Variants in AKT3 observed in about 807,000 individuals in gnomAD.
The protein encoded by AKT3 is RAC-gamma serine/threonine-protein kinase.
Under a neutral mutation model 65.3 loss-of-function variants are expected in AKT3, and 15 were observed. The observed-to-expected ratio is 0.23, with a 90% CI of 0.15 to 0.35. The LOEUF (loss-of-function observed/expected upper bound fraction) is 0.35. Among genes scored for constraint, AKT3 ranks in the 10% least tolerant of loss-of-function variants. The probability of loss-of-function intolerance (pLI) is 1.00; values close to 1 mark genes in which losing one functional copy is unlikely to be tolerated. For synonymous variants in AKT3, 206 were observed against 183.8 expected (o/e 1.12, Z -0.98); for missense variants, 243 against 576.5 (o/e 0.42, Z 5.92).
At chr1:243,640,803 T>C (rs1374462640) in intron 5 of AKT3, among the ~76,000 whole-genome samples, 1 of 152,120 alleles carries the variant, frequency 6.6e-6, no homozygotes, top group Non-Finnish European at 1.5e-5. Flanking sequence ...TCATGAGATA[T>C]TTACATGGCT....
Position 243,504,656 on chromosome 1 carries a change from C to A in AKT3, c.*593G>T, listed in dbSNP as rs1669551518. 5.7e-6 allele frequency: 1 copy of A among 174,138 alleles called. No individual in the cohort carries two copies. The allele number at this position is 174,138 out of a possible 1,614,324, so 10.8% of individuals were successfully genotyped here. A position where few individuals can be genotyped will look rare whatever the true frequency, so the allele number is the denominator to read the frequency against. Reference sequence around the variant, plus strand: ...AAAAATTATATATATATATATATATCCCAACAGTTGTTCAGTCCTTCTACC... The same window carrying A: ...AAAAATTATATATATATATATATATACCAACAGTTGTTCAGTCCTTCTACC... On this transcript the variant is annotated 3_prime_UTR_variant, in exon 14 of 14. Transcript: ENST00000673466.
intron 2 of AKT3, among the ~76,000 whole-genome samples, chr1:243,800,278 A>G (rs1278842928): frequency 3.3e-5 from 5 of 152,236 alleles, no homozygotes; most frequent in Non-Finnish European, 5.9e-5. Flanking sequence ...AGGATAAAGC[A>G]GTGCCAACCT....
intron 2 of AKT3, among the ~76,000 whole-genome samples, chr1:243,750,092 A>C (rs1196721750): frequency 6.6e-6 from 1 of 152,232 alleles, no homozygotes; most frequent in Non-Finnish European, 1.5e-5. Flanking sequence ...AGGCGAAGTC[A>C]TGCTTTTATA....
intron 6 of AKT3, among the ~76,000 whole-genome samples, chr1:243,630,201 T>C (rs1172219752): frequency 6.6e-6 from 1 of 152,176 alleles, no homozygotes; most frequent in African/African-American, 2.4e-5. Context: ...TTATAGCCCA[T>C]ACGCCATACT....
chr1:243,597,056 G>A (rs190798074), intron 8 of AKT3, among the ~76,000 whole-genome samples: 1 of 152,184 alleles, frequency 6.6e-6, no homozygotes, highest in Non-Finnish European at 1.5e-5. Context: ...ATGTACTATG[G>A]GTACAGGGAA....
In AKT3 at chr1:243,804,742, G is replaced by C. The variant is rs750841613; in HGVS notation, c.46+38383C>G. Among the ~76,000 whole-genome samples, 192 of 151,938 alleles carry C rather than the reference G, an allele frequency of 1.3e-3. 3 individuals are homozygous for C. Among genetic ancestry groups the C allele is most frequent in the Non-Finnish European group, 4.1e-4 (28 of 68,010 alleles). On this transcript the variant is annotated intron_variant, in intron 2 of 13. Transcript: ENST00000673466. ...GGCACCTGTAGTCCCAGCTACTCAG[G>C]AGGCTGAGGCAGGAGAACGGCGTGA...
At chr1:243,755,180 T>G (rs976685467) in intron 2 of AKT3, among the ~76,000 whole-genome samples, 2 of 151,792 alleles carry the variant, frequency 1.3e-5, no homozygotes, top group Non-Finnish European at 2.9e-5. Flanking sequence ...GCAATTCTCA[T>G]GCCTCAGCCT....
intron 2 of AKT3, among the ~76,000 whole-genome samples, chr1:243,823,879 A>C (rs930242476): frequency 1.3e-5 from 2 of 152,194 alleles, no homozygotes; most frequent in Admixed American, 6.5e-5. Context: ...ACTACCATTG[A>C]CTTTCCTCAC....
chr1:243,639,025 A>G (rs778949742), intron 5 of AKT3, among the ~76,000 whole-genome samples: 6 of 152,152 alleles, frequency 3.9e-5, no homozygotes, highest in South Asian at 2.1e-4. Context: ...CAAATTACCA[A>G]TATCAGGAAT....
chr1:243,744,755 A>G (rs1032553580), intron 2 of AKT3, among the ~76,000 whole-genome samples: 1 of 151,086 alleles, frequency 6.6e-6, no homozygotes, highest in Non-Finnish European at 1.5e-5. Flanking sequence ...AAAAAAAAAA[A>G]AAAAATTATT....
intron 2 of AKT3, among the ~76,000 whole-genome samples, chr1:243,713,945 T>C (rs1247705755): frequency 1.3e-5 from 2 of 152,090 alleles, no homozygotes; most frequent in Admixed American, 1.3e-4. Context: ...CGACAGCCTC[T>C]ATTATGCTAA....
At chr1:243,735,602 C>T (rs1687797701) in intron 2 of AKT3, 1 of 152,212 alleles carries the variant, frequency 6.6e-6, no homozygotes, top group African/African-American at 2.4e-5. Context: ...ACTACTGTAA[C>T]ATACCTAGCA....
chr1:243,587,626 A>C (rs1189203963), intron 8 of AKT3, among the ~76,000 whole-genome samples: 6 of 152,084 alleles, frequency 3.9e-5, no homozygotes, highest in Admixed American at 1.3e-4. Flanking sequence ...TACATACATA[A>C]ATACATACAT....
At chr1:243,560,706 A>G (rs1299491581) in intron 10 of AKT3, among the ~76,000 whole-genome samples, 1 of 152,156 alleles carries the variant, frequency 6.6e-6, no homozygotes, top group African/African-American at 2.4e-5. Flanking sequence ...TTTTGTGGCA[A>G]CTATAAACTT....
intron 12 of AKT3, among the ~76,000 whole-genome samples, chr1:243,536,759 C>CAAT (rs1558597708): frequency 6.6e-6 from 1 of 152,130 alleles, no homozygotes; most frequent in Non-Finnish European, 1.5e-5. Flanking sequence ...ATCCTAAGTA[C>CAAT]AATGCCTCAT....
At chr1:243,712,182 C>A (rs1231719185) in intron 2 of AKT3, among the ~76,000 whole-genome samples, 2 of 152,166 alleles carry the variant, frequency 1.3e-5, no homozygotes, top group Non-Finnish European at 2.9e-5. Flanking sequence ...TGGATATATT[C>A]ACGGCCACCT....
chr1:243,730,379 C>T (rs976767189), intron 2 of AKT3, among the ~76,000 whole-genome samples: 4 of 152,200 alleles, frequency 2.6e-5, no homozygotes, highest in Admixed American at 6.5e-5. Flanking sequence ...CTCATTCTTC[C>T]TGGACAAAGG....
chr1:243,810,511 C>T (rs1312839052), intron 2 of AKT3, among the ~76,000 whole-genome samples: 1 of 152,066 alleles, frequency 6.6e-6, no homozygotes, highest in Non-Finnish European at 1.5e-5. Context: ...CAATAACAGG[C>T]TCTGAAATTG....
At chr1:243,755,366 G>A (rs145209491) in intron 2 of AKT3, among the ~76,000 whole-genome samples, 12 of 151,810 alleles carry the variant, frequency 7.9e-5, no homozygotes, top group African/African-American at 2.9e-4. Context: ...AAGTCGCCGT[G>A]CCCGGTCTCC....
Sources: allele counts gnomAD v4.1 joint callset (sites outside exome capture counted in the v4.1 genomes callset), GRCh38; gene constraint gnomAD v4.1.1; transcripts MANE v1.5; gene names NCBI Gene and HGNC (gene_info 2026-07-23, HGNC 2026-07-21).